The following KIFC3 variants were observed in gnomAD, a reference collection of about 807,000 sequenced individuals.
KIFC3 encodes kinesin-like protein KIFC3.
KIFC3 carries 60 observed loss-of-function variants against 101.8 expected under a neutral mutation model. That is an observed-to-expected ratio of 0.59 (90% CI 0.48 to 0.73). KIFC3 has a LOEUF of 0.73. Ranked by LOEUF, KIFC3 falls within the 30% of genes least tolerant of loss-of-function variation. KIFC3 has a pLI of 0.00. For synonymous variants in KIFC3, 476 were observed against 482.7 expected (o/e 0.99, Z 0.18); for missense variants, 966 against 1,137.1 (o/e 0.85, Z 2.16).
At chr16:57,786,951 T>G (rs2053391970) in intron 3 of KIFC3, among the ~76,000 whole-genome samples, 1 of 152,146 alleles carries the variant, frequency 6.6e-6, no homozygotes, top group Non-Finnish European at 1.5e-5. Context: ...GGTCGGCTCT[T>G]CCCTCCTCCA....
intron 1 of KIFC3, chr16:57,816,826 G>A (rs1159947357): frequency 1.6e-5 from 7 of 445,624 alleles, no homozygotes; most frequent in African/African-American, 1.3e-4. Flanking sequence ...CCCACCCCCA[G>A]TAAGACTTGA....
At chr16:57,808,490 C>T (rs2054994620) in intron 1 of KIFC3, among the ~76,000 whole-genome samples, 1 of 152,200 alleles carries the variant, frequency 6.6e-6, no homozygotes. Context: ...TCCCCACTTC[C>T]TCATTCACTT....
intron 1 of KIFC3, among the ~76,000 whole-genome samples, chr16:57,837,553 G>GTAA (rs879303578): frequency 2.7e-5 from 3 of 111,626 alleles, no homozygotes; most frequent in African/African-American, 9.3e-5. Flanking sequence ...AAGGAAGGAA[G>GTAA]GAAGAAAGAA....
chr16:57,854,896 C>A (rs1036865860), intron 1 of KIFC3, among the ~76,000 whole-genome samples: 67 of 152,086 alleles, frequency 4.4e-4, no homozygotes, highest in Non-Finnish European at 8.8e-5. Context: ...GAAAGTTACA[C>A]AACACACTTC....
chr16:57,797,696 T>G, intron 2 of KIFC3: 1 of 1,137,044 alleles, frequency 8.8e-7, no homozygotes, highest in Non-Finnish European at 1.1e-6. Context: ...AGGCAGCCAC[T>G]TCACCTACCT....
In KIFC3 at chr16:57,770,051, T is replaced by G. The variant is rs186070982; in HGVS notation, c.940-96A>C. On this transcript the variant is annotated intron_variant, in intron 7 of 19. Coordinates refer to ENST00000445690, the MANE Select transcript of KIFC3 (RefSeq NM_001130100.2). ...AGAAACTGGTCACCTCCCATGCACA[T>G]GAACACACATGCACACACACATGTG... 6.5e-5 allele frequency: 92 copies of G among 1,414,904 alleles called. No individual in the cohort carries two copies. The African/African-American group carries it at 1.2e-3, about 18-fold the overall frequency. The allele number at this position is 1,414,904 out of a possible 1,614,324, so 87.6% of individuals were successfully genotyped here. A position where few individuals can be genotyped will look rare whatever the true frequency, so the allele number is the denominator to read the frequency against.
At chr16:57,771,957 T>G (rs1255801502) in intron 4 of KIFC3, among the ~76,000 whole-genome samples, 1 of 152,086 alleles carries the variant, frequency 6.6e-6, no homozygotes, top group Non-Finnish European at 1.5e-5. Flanking sequence ...CTATTCTGAG[T>G]GTGAAAGTCA....
At chr16:57,825,900 C>T (rs191618678) in intron 1 of KIFC3, among the ~76,000 whole-genome samples, 5 of 152,324 alleles carry the variant, frequency 3.3e-5, no homozygotes, top group East Asian at 1.9e-4. Flanking sequence ...AGGCTGGTCT[C>T]GAACTCCTGG....
At chr16:57,789,827 C>G (rs1264623848) in intron 3 of KIFC3, among the ~76,000 whole-genome samples, 2 of 151,522 alleles carry the variant, frequency 1.3e-5, no homozygotes, top group African/African-American at 2.4e-5. Flanking sequence ...ATCTCTGCCT[C>G]CCAGGTTCAA....
chr16:57,761,351 T>C, intron 14 of KIFC3, 62 bp downstream of exon 14: 1 of 1,608,984 alleles, frequency 6.2e-7, no homozygotes, highest in South Asian at 1.1e-5. Flanking sequence ...AGAGCCTACA[T>C]TCAAACCCAG....
intron 1 of KIFC3, among the ~76,000 whole-genome samples, chr16:57,821,083 A>G (rs782526123): frequency 1.3e-5 from 2 of 151,914 alleles, no homozygotes; most frequent in Non-Finnish European, 2.9e-5. Context: ...GTGAGCGAAG[A>G]TTACACCATT....
At chr16:57,845,400 A>T (rs772108271) in intron 1 of KIFC3, among the ~76,000 whole-genome samples, 2 of 152,144 alleles carry the variant, frequency 1.3e-5, no homozygotes, top group Non-Finnish European at 2.9e-5. Flanking sequence ...CACGTCACTC[A>T]TCTGCTCAAA....
intron 1 of KIFC3, among the ~76,000 whole-genome samples, chr16:57,801,997 T>C (rs2054756535): frequency 6.6e-6 from 1 of 152,312 alleles, no homozygotes; most frequent in East Asian, 1.9e-4. Context: ...AAAGGCAGCC[T>C]TCCAGGGAGC....
chr16:57,836,073 A>G (rs1182191598), intron 1 of KIFC3, among the ~76,000 whole-genome samples: 1 of 151,932 alleles, frequency 6.6e-6, no homozygotes, highest in Non-Finnish European at 1.5e-5. Flanking sequence ...GCTGGCATTC[A>G]GGTTGCCCTT....
intron 1 of KIFC3, among the ~76,000 whole-genome samples, chr16:57,838,973 G>A (rs1278008876): frequency 6.6e-6 from 1 of 152,166 alleles, no homozygotes; most frequent in African/African-American, 2.4e-5. Flanking sequence ...CAGAGTGGGG[G>A]ATTAATGGGG....
At chr16:57,781,829 G>A (rs2052769759) in intron 3 of KIFC3, 1 of 628,288 alleles carries the variant, frequency 1.6e-6, no homozygotes, top group Non-Finnish European at 2.0e-6. Flanking sequence ...GCCTTGGTTA[G>A]GCAACTTACT....
At chr16:57,777,598 G>A (rs2052254634) in intron 3 of KIFC3, among the ~76,000 whole-genome samples, 1 of 152,138 alleles carries the variant, frequency 6.6e-6, no homozygotes. Flanking sequence ...GCAGGCGCCT[G>A]TAATCCCAGC....
rs1284891897 is a variant in KIFC3 at position 57,760,864 on chromosome 16, G to A, written c.2094C>T (p.Asn698=). 7.4e-6 allele frequency: 12 copies of A among 1,612,654 alleles called. No homozygotes were observed. The highest frequency in any genetic ancestry group is 1.0e-5 in the Non-Finnish European group (12 of 1,179,950). The change falls in exon 16 of 20, where the codon AAC becomes AAT. Residue 698 remains asparagine, a synonymous_variant. Coordinates refer to ENST00000445690, the MANE Select transcript of KIFC3 (RefSeq NM_001130100.2). The part of the protein sequence containing the change: ...GSRLREAQHI[N]KSLSALGDVI... Reference sequence around the variant, plus strand: ...CGTCCCCCAGAGCCGACAGCGACTTGTTGATGTGCTGCGCCTCCCGCAGGC... The same window carrying A: ...CGTCCCCCAGAGCCGACAGCGACTTATTGATGTGCTGCGCCTCCCGCAGGC...
chr16:57,786,368 T>C (rs1555617748), intron 3 of KIFC3, among the ~76,000 whole-genome samples: 2 of 152,040 alleles, frequency 1.3e-5, no homozygotes, highest in Admixed American at 6.5e-5. Flanking sequence ...ACGAGAGAGA[T>C]GGACAGATGG....
Sources: gnomAD v4.1 joint callset for allele counts (sites outside exome capture counted in the v4.1 genomes callset) on GRCh38, gnomAD v4.1.1 for gene constraint, MANE v1.5 for transcripts, NCBI Gene and HGNC (gene_info 2026-07-23, HGNC 2026-07-21) for gene names.